The following SLC35D4 variants were observed in gnomAD, a reference collection of about 807,000 sequenced individuals.
The protein encoded by SLC35D4 is solute carrier family 35 member D4, also known as UDP-N-acetylglucosamine transporter SLC35D4.
the SLC35D4 span, among the ~76,000 whole-genome samples, chr18:23,395,929 GC>G: frequency 6.6e-6 from 1 of 152,202 alleles, no homozygotes; most frequent in African/African-American, 2.4e-5. Flanking sequence ...ATTCATGGTG[GC>G]TGTTCCCATG....
the SLC35D4 span, among the ~76,000 whole-genome samples, chr18:23,285,338 T>C: frequency 6.6e-6 from 1 of 151,840 alleles, no homozygotes; most frequent in Non-Finnish European, 1.5e-5. Flanking sequence ...TCCCTTAGCC[T>C]GTGTTCTTAA....
At chr18:23,385,253 T>C in the SLC35D4 span, among the ~76,000 whole-genome samples, 463 of 152,312 alleles carry the variant, frequency 3.0e-3, 4 homozygotes, top group African/African-American at 0.011. Flanking sequence ...TAGGTGGATG[T>C]AGAGGTTCCC....
the SLC35D4 span, chr18:23,399,640 C>T: frequency 6.2e-7 from 1 of 1,613,602 alleles, no homozygotes; most frequent in African/African-American, 1.3e-5. Context: ...CACACAAGAA[C>T]ATGAGATCTG....
chr18:23,320,460 A>C, the SLC35D4 span, among the ~76,000 whole-genome samples: 1 of 152,204 alleles, frequency 6.6e-6, no homozygotes, highest in Non-Finnish European at 1.5e-5. Context: ...GTTATTGCTA[A>C]CATCATCTGT....
chr18:23,379,092 C>G, the SLC35D4 span, among the ~76,000 whole-genome samples: 1 of 151,998 alleles, frequency 6.6e-6, no homozygotes, highest in African/African-American at 2.4e-5. Flanking sequence ...TGCGTAACTG[C>G]CCCCGGTATG....
the SLC35D4 span, among the ~76,000 whole-genome samples, chr18:23,248,593 C>T: frequency 2.7e-5 from 4 of 145,980 alleles, no homozygotes; most frequent in African/African-American, 1.0e-4. Context: ...TTTGGGAGGC[C>T]GAGGCGGGTG....
At chr18:23,339,978 T>C in the SLC35D4 span, among the ~76,000 whole-genome samples, 1 of 152,192 alleles carries the variant, frequency 6.6e-6, no homozygotes, top group Non-Finnish European at 1.5e-5. Context: ...GTTCCGCGAA[T>C]AGTGACCAAA....
the SLC35D4 span, among the ~76,000 whole-genome samples, chr18:23,398,534 T>C: frequency 6.6e-6 from 1 of 152,154 alleles, no homozygotes; most frequent in East Asian, 1.9e-4. Context: ...AGCAGCAACA[T>C]GCACCGTGGG....
At chr18:23,364,450 G>A in the SLC35D4 span, among the ~76,000 whole-genome samples, 1 of 152,132 alleles carries the variant, frequency 6.6e-6, no homozygotes, top group Non-Finnish European at 1.5e-5. Flanking sequence ...AATATAACTT[G>A]TATTTTCAGC....
chr18:23,409,334 T>C, the SLC35D4 span, among the ~76,000 whole-genome samples: 1 of 152,230 alleles, frequency 6.6e-6, no homozygotes, highest in East Asian at 1.9e-4. Flanking sequence ...CTATTGTACA[T>C]ATTATTTACA....
chr18:23,379,589 T>C, the SLC35D4 span, among the ~76,000 whole-genome samples: 1 of 152,112 alleles, frequency 6.6e-6, no homozygotes, highest in Non-Finnish European at 1.5e-5. Context: ...GCCCCTTCCA[T>C]GGAGGGGAGT....
chr18:23,242,192 C>T, the SLC35D4 span, among the ~76,000 whole-genome samples: 1 of 152,136 alleles, frequency 6.6e-6, no homozygotes, highest in Non-Finnish European at 1.5e-5. Context: ...GCAGGAGAAT[C>T]GCTTGAACCC....
At chr18:23,402,808 A>G in the SLC35D4 span, among the ~76,000 whole-genome samples, 4 of 74,524 alleles carry the variant, frequency 5.4e-5, no homozygotes, top group Admixed American at 1.1e-4. Context: ...TTGTCTTTTT[A>G]AAAAAATATA....
At chr18:23,269,395 C>A in the SLC35D4 span, among the ~76,000 whole-genome samples, 1 of 152,216 alleles carries the variant, frequency 6.6e-6, no homozygotes, top group African/African-American at 2.4e-5. Context: ...TGTAAGTTTC[C>A]TGAGGCCTCT....
chr18:23,391,829 A>C, the SLC35D4 span, among the ~76,000 whole-genome samples: 18 of 152,138 alleles, frequency 1.2e-4, no homozygotes, highest in African/African-American at 4.3e-4. Context: ...TCAGAGCTGA[A>C]TTCAGACCCA....
chr18:23,301,201 T>C, the SLC35D4 span, among the ~76,000 whole-genome samples: 1 of 152,226 alleles, frequency 6.6e-6, no homozygotes, highest in African/African-American at 2.4e-5. Context: ...TCCTTGGGGC[T>C]CTGCCGAGTG....
the SLC35D4 span, among the ~76,000 whole-genome samples, chr18:23,358,537 T>C: frequency 4.9e-3 from 744 of 152,116 alleles, 11 homozygotes; most frequent in African/African-American, 0.017. Context: ...AAAATAAGAA[T>C]AGCTAGCCCT....
At chr18:23,366,886 A>G in the SLC35D4 span, among the ~76,000 whole-genome samples, 2 of 152,258 alleles carry the variant, frequency 1.3e-5, no homozygotes, top group Non-Finnish European at 2.9e-5. Context: ...TTGTAGGTTT[A>G]TAAGACAGGG....
the SLC35D4 span, among the ~76,000 whole-genome samples, chr18:23,278,468 A>G: frequency 6.6e-6 from 1 of 152,328 alleles, no homozygotes; most frequent in South Asian, 2.1e-4. Context: ...GCAATTTACT[A>G]GGAAGTGTAG....
Sources: allele counts gnomAD v4.1 joint callset (sites outside exome capture counted in the v4.1 genomes callset), GRCh38; gene constraint gnomAD v4.1.1; transcripts MANE v1.5; gene names NCBI Gene and HGNC (gene_info 2026-07-23, HGNC 2026-07-21).